Variants in IGSF10 observed in about 807,000 individuals in gnomAD.
IGSF10 encodes the protein immunoglobulin superfamily member 10.
IGSF10 carries 126 observed loss-of-function variants against 128.2 expected under a neutral mutation model. That is an observed-to-expected ratio of 0.98 (90% CI 0.85 to 1.14). IGSF10 has a LOEUF of 1.14. Among genes scored for constraint, IGSF10 ranks in the 50% most tolerant of loss-of-function variants. The probability of loss-of-function intolerance (pLI) is 0.00; values close to 1 mark genes in which losing one functional copy is unlikely to be tolerated. For missense variants in IGSF10, 3,295 were observed against 3,149.8 expected, an observed-to-expected ratio of 1.05 and a Z score of -1.10; for synonymous variants, 1,185 against 1,146.2, an observed-to-expected ratio of 1.03 and a Z score of -0.68.
chr3:151,441,992 C>T (rs908830756), intron 7 of IGSF10, among the ~76,000 whole-genome samples: 36 of 152,272 alleles, frequency 2.4e-4, no homozygotes, highest in African/African-American at 8.7e-4. Context: ...ACCTGGGAGG[C>T]GGAGCTTGCA....
At chr3:151,539,698 T>C in the IGSF10 span, among the ~76,000 whole-genome samples, 24 of 152,274 alleles carry the variant, frequency 1.6e-4, no homozygotes, top group African/African-American at 4.3e-4. Context: ...TCTCAATAGA[T>C]AGTGAAGAGT....
the IGSF10 span, among the ~76,000 whole-genome samples, chr3:151,567,680 T>C: frequency 6.6e-6 from 1 of 152,268 alleles, no homozygotes; most frequent in South Asian, 2.1e-4. Flanking sequence ...CAATAGTTTC[T>C]TGCCCTAATC....
At chr3:151,443,949 A>G (rs1721029462) in intron 6 of IGSF10, 65 bp from the exon 7 acceptor site, 11 of 1,333,392 alleles carry the variant, frequency 8.2e-6, no homozygotes, top group Non-Finnish European at 1.1e-5. Flanking sequence ...ACATAAAGCT[A>G]TCGTTTTTTG....
chr3:151,437,329 C>T lies in IGSF10; in HGVS notation c.7232G>A (p.Cys2411Tyr). Residue 2411 changes from cysteine (C) to tyrosine (Y), a missense_variant, in exon 8 of 8, where the codon TGT (cysteine) becomes TAT (tyrosine). Transcript: ENST00000282466. ...ATAGCCAACTTTATTCCTAGCTGCA[C>T]AGCGATATTTTCCTGCATCCTCCCG... ...TTREDAGKYR[C>Y]AARNKVGYIE... 6.2e-7 allele frequency: 1 copy of T among 1,614,168 alleles called. No homozygotes were observed. Among genetic ancestry groups the T allele is most frequent in the Non-Finnish European group, 8.5e-7 (1 of 1,180,028 alleles).
At chr3:151,519,059 G>A in the IGSF10 span, among the ~76,000 whole-genome samples, 2 of 152,028 alleles carry the variant, frequency 1.3e-5, no homozygotes, top group South Asian at 2.1e-4. Flanking sequence ...AAATGGTTCT[G>A]ATGAGATGGG....
At chr3:151,529,051 G>A in the IGSF10 span, among the ~76,000 whole-genome samples, 2 of 152,044 alleles carry the variant, frequency 1.3e-5, no homozygotes, top group Non-Finnish European at 2.9e-5. Flanking sequence ...GCTTGGGTAG[G>A]CAATTTTACC....
chr3:151,534,466 A>G, the IGSF10 span, among the ~76,000 whole-genome samples: 1 of 152,204 alleles, frequency 6.6e-6, no homozygotes, highest in African/African-American at 2.4e-5. Flanking sequence ...ATGGAATACT[A>G]TGCAGCCATA....
the IGSF10 span, among the ~76,000 whole-genome samples, chr3:151,491,497 G>A: frequency 6.0e-3 from 906 of 152,248 alleles, 4 homozygotes; most frequent in Non-Finnish European, 9.6e-3. Flanking sequence ...AGAATCTCTT[G>A]AACCCAAGAG....
the IGSF10 span, among the ~76,000 whole-genome samples, chr3:151,492,959 T>C: frequency 2.6e-4 from 40 of 152,322 alleles, no homozygotes; most frequent in East Asian, 6.9e-3. Flanking sequence ...CATATGTATA[T>C]AGTTTATAAA....
chr3:151,445,719 A>G lies in IGSF10; in HGVS notation c.4262T>C (p.Ile1421Thr). ...HSRTLNLTDV[I>T]EELAQASTQT... ...AGTACTTGCTTGGGCTAGTTCTTCA[A>G]TCACATCTGTCAGATTAAGAGTTCT... The change falls in exon 6 of 8, where the codon ATT becomes ACT. Residue 1421 changes from isoleucine (I) to threonine (T), a missense_variant. By Grantham distance (89) the Ile-to-Thr change is moderately conservative. Transcript: ENST00000282466. 3.1e-6 allele frequency: 5 copies of G among 1,614,062 alleles called. No individual in the cohort carries two copies. The South Asian group carries it at 4.4e-5, about 14-fold the overall frequency.
upstream of IGSF10, among the ~76,000 whole-genome samples, chr3:151,463,568 C>A (rs531114956): frequency 6.1e-5 from 1 of 16,328 alleles, no homozygotes. Context: ...TTTTCTGAGA[C>A]GGAGTTTTGC....
chr3:151,583,749 T>C, the IGSF10 span, among the ~76,000 whole-genome samples: 1 of 152,248 alleles, frequency 6.6e-6, no homozygotes, highest in Non-Finnish European at 1.5e-5. Flanking sequence ...TAAGTCTGCT[T>C]AATTTCCAGA....
chr3:151,609,272 T>G, the IGSF10 span, among the ~76,000 whole-genome samples: 1 of 152,062 alleles, frequency 6.6e-6, no homozygotes, highest in Non-Finnish European at 1.5e-5. Context: ...ATGAGTGAGG[T>G]TGGAGAATGG....
chr3:151,439,978 A>AGT (rs748123210), intron 7 of IGSF10, among the ~76,000 whole-genome samples: 6 of 152,208 alleles, frequency 3.9e-5, no homozygotes, highest in Non-Finnish European at 8.8e-5. Flanking sequence ...TCATAGCATA[A>AGT]GTGCTAACCA....
chr3:151,617,260 C>CTCTTCTTCTTCTTCTTCTTCTTCTTCT, the IGSF10 span, among the ~76,000 whole-genome samples: 1 of 55,688 alleles, frequency 1.8e-5, no homozygotes, highest in Non-Finnish European at 3.3e-5. Flanking sequence ...TCTTCTCCTT[C>CTCTTCTTCTTCTTCTTCTTCTTCTTCT]TCTTCTTCTT....
chr3:151,480,211 G>C, the IGSF10 span, among the ~76,000 whole-genome samples: 204 of 152,242 alleles, frequency 1.3e-3, no homozygotes, highest in African/African-American at 4.7e-3. Flanking sequence ...GAGTACCATA[G>C]AACAGCAAAG....
the IGSF10 span, among the ~76,000 whole-genome samples, chr3:151,510,032 A>G: frequency 3.9e-5 from 6 of 152,214 alleles, no homozygotes; most frequent in Non-Finnish European, 7.3e-5. Flanking sequence ...CTGCCTCTGT[A>G]GGCTCCACCT....
the IGSF10 span, among the ~76,000 whole-genome samples, chr3:151,610,078 G>C: frequency 1.3e-5 from 2 of 152,174 alleles, no homozygotes; most frequent in African/African-American, 4.8e-5. Flanking sequence ...GGCAACAGTG[G>C]TGATGGAGAG....
chr3:151,470,045 T>C, the IGSF10 span, among the ~76,000 whole-genome samples: 3,791 of 152,348 alleles, frequency 0.025, 103 homozygotes, highest in East Asian at 0.063. Context: ...AGTTTGCCTT[T>C]ACTTGGTAAA....
Sources: gnomAD v4.1 joint callset for allele counts (sites outside exome capture counted in the v4.1 genomes callset) on GRCh38, gnomAD v4.1.1 for gene constraint, MANE v1.5 for transcripts, NCBI Gene and HGNC (gene_info 2026-07-23, HGNC 2026-07-21) for gene names.